SNED1: variants seen among roughly 807,000 people sequenced by gnomAD.
SNED1 encodes sushi, nidogen and EGF like domains 1, also known as sushi, nidogen and EGF-like domain-containing protein 1.
A neutral mutation model predicts 166.7 loss-of-function variants in SNED1; 81 were observed. That is an observed-to-expected ratio of 0.49 (90% CI 0.41 to 0.58). The LOEUF (loss-of-function observed/expected upper bound fraction) is 0.58, where lower values mean the gene tolerates loss of function less well. SNED1 is among the 20% of genes least tolerant of loss of function. The pLI, the probability that SNED1 is intolerant of heterozygous loss-of-function variation, is 0.00. For synonymous variants in SNED1, 762 were observed against 822.0 expected, an observed-to-expected ratio of 0.93 and a Z score of 1.25; for missense variants, 1,604 against 2,000.2, an observed-to-expected ratio of 0.80 and a Z score of 3.78.
Position 241,035,911 on chromosome 2 carries a change from C to T in SNED1, c.806-879C>T, listed in dbSNP as rs1374415331. On this transcript the variant is annotated intron_variant, in intron 4 of 31. Coordinates refer to ENST00000310397, the MANE Select transcript of SNED1 (RefSeq NM_001080437.3). ...CGTGCCATGGGGTGGGGGGTGCAGG[C>T]GTGCCACGGGGTGGAGGGGTGGGGG... Among the ~76,000 whole-genome samples, 7 of 64,748 alleles carry T rather than the reference C, an allele frequency of 1.1e-4. No homozygotes were observed. In the East Asian group the frequency reaches 3.4e-3, roughly 31 times the overall value. The allele number at this position is 64,748 out of a possible 152,430, so 42.5% of individuals were successfully genotyped here. A position where few individuals can be genotyped will look rare whatever the true frequency, so the allele number is the denominator to read the frequency against.
intron 1 of SNED1, among the ~76,000 whole-genome samples, chr2:241,000,182 G>C (rs928764619): frequency 6.6e-6 from 1 of 152,100 alleles, no homozygotes; most frequent in African/African-American, 2.4e-5. Context: ...TCCTCTGCAT[G>C]GTTGTCATCA....
intron 16 of SNED1, 22 bp downstream of exon 16, chr2:241,053,348 G>T (rs370328132): frequency 2.6e-6 from 4 of 1,540,152 alleles, no homozygotes; most frequent in Admixed American, 1.8e-5. Context: ...GGCCCTTGGG[G>T]TGGGGCAGGT....
rs956351229 is a variant in SNED1, at chr2:241,018,169, TAA to T, written c.214-12114_214-12113del. On this transcript the variant is annotated intron_variant, in intron 1 of 31. Transcript: ENST00000310397. The surrounding 1 kb of genome is among the most constrained non-coding windows in gnomAD (Gnocchi z 5.4). ...GTGGTCCCTGCTGTGCTGATTTGGT[TAA>T]GTCTTTTTGCCATGTCACCGCGCAT... Among the ~76,000 whole-genome samples the T allele has an allele frequency of 6.6e-6, 1 of 152,170 alleles. No homozygotes were observed. The highest frequency in any genetic ancestry group is 2.4e-5 in the African/African-American group (1 of 41,430).
Position 241,018,318 on chromosome 2 carries a change from C to T in SNED1, c.214-11966C>T, listed in dbSNP as rs997713725. On this transcript the variant is annotated intron_variant, in intron 1 of 31. Transcript: ENST00000310397. This position sits in a 1 kb window ranked among gnomAD's most constrained non-coding sequence, Gnocchi z 5.4. ...CCACACATGCACTTACATGGGGGCA[C>T]GTTTGGGTGCAGATACCACCTGGAT... 3.9e-5 allele frequency among the ~76,000 whole-genome samples: 6 copies of T among 152,196 alleles called. No homozygotes were observed. The highest frequency in any genetic ancestry group is 9.6e-5 in the African/African-American group (4 of 41,464).
intron 8 of SNED1, chr2:241,041,201 G>A (rs185761457): frequency 4.4e-3 from 792 of 180,814 alleles, no homozygotes; most frequent in Non-Finnish European, 6.3e-3. Flanking sequence ...AGGAGCGGGA[G>A]GAGGCAGCCT....
At chr2:241,077,428 A>G (rs1321534445) in intron 27 of SNED1, among the ~76,000 whole-genome samples, 1 of 152,208 alleles carries the variant, frequency 6.6e-6, no homozygotes, top group Non-Finnish European at 1.5e-5. Context: ...ACTACTCTTC[A>G]TCAAAACTTA....
chr2:241,081,577 C>T (rs2063331131), intron 27 of SNED1, 100 bp from the exon 28 acceptor site: 6 of 836,030 alleles, frequency 7.2e-6, no homozygotes, highest in African/African-American at 2.3e-5. Flanking sequence ...AGTGCACGGC[C>T]ACCCTGCATC....
intron 1 of SNED1, among the ~76,000 whole-genome samples, chr2:241,012,502 C>A (rs867833647): frequency 2.6e-5 from 4 of 152,200 alleles, no homozygotes; most frequent in Non-Finnish European, 4.4e-5. Context: ...TCATCCACAT[C>A]TCTGGTGGTG....
At chr2:241,026,277 A>G (rs1485262821) in intron 1 of SNED1, among the ~76,000 whole-genome samples, 1 of 151,904 alleles carries the variant, frequency 6.6e-6, no homozygotes, top group African/African-American at 2.4e-5. Flanking sequence ...CAGCCTCCCA[A>G]AGTGCTGGGA....
chr2:240,998,501 C>A (rs1482558617), upstream of SNED1, among the ~76,000 whole-genome samples: 3 of 152,186 alleles, frequency 2.0e-5, no homozygotes, highest in African/African-American at 4.8e-5. Context: ...GAGCTCCCCG[C>A]GCGCCCGCGC....
intron 31 of SNED1, chr2:241,090,106 T>C (rs2063828712): frequency 2.7e-6 from 4 of 1,498,844 alleles, no homozygotes; most frequent in East Asian, 2.5e-5. Context: ...TTTTAATTTT[T>C]ACTTTTTAAC....
At chr2:241,005,951 A>G (rs928816013) in intron 1 of SNED1, among the ~76,000 whole-genome samples, 7 of 152,116 alleles carry the variant, frequency 4.6e-5, no homozygotes, top group Non-Finnish European at 5.9e-5. Context: ...GAAATTTGAA[A>G]AAAATCTCAG....
At chr2:241,089,979 C>T (rs1288524415) in intron 31 of SNED1, 1 of 1,547,984 alleles carries the variant, frequency 6.5e-7, no homozygotes, top group Non-Finnish European at 8.7e-7. Context: ...AAATGGTATA[C>T]CTGGGCAGGG....
intron 1 of SNED1, among the ~76,000 whole-genome samples, chr2:241,026,633 C>G (rs2060979313): frequency 6.6e-6 from 1 of 152,108 alleles, no homozygotes; most frequent in South Asian, 2.1e-4. Flanking sequence ...TATTTAGTTA[C>G]TTATATCGTA....
intron 24 of SNED1, among the ~76,000 whole-genome samples, chr2:241,071,095 G>A (rs2062690061): frequency 6.6e-6 from 1 of 152,214 alleles, no homozygotes; most frequent in Admixed American, 6.5e-5. Flanking sequence ...AGGGGAAGGA[G>A]GGCCCAGCCT....
intron 1 of SNED1, among the ~76,000 whole-genome samples, chr2:241,015,245 C>T (rs2060543632): frequency 6.6e-6 from 1 of 152,158 alleles, no homozygotes; most frequent in Non-Finnish European, 1.5e-5. Context: ...AATCTAGGAA[C>T]CTGGCATATT....
Position 240,998,988 on chromosome 2 carries a change from T to C in SNED1, c.151T>C (p.Ser51Pro). Residue 51 changes from serine to proline, a missense_variant, in exon 1 of 32, where the codon TCG (serine) becomes CCG (proline). Ser to Pro is a moderately conservative substitution (Grantham distance 74). Coordinates refer to ENST00000310397, the MANE Select transcript of SNED1 (RefSeq NM_001080437.3). ...AVTPKQDDGG[S>P]GLRPLSVPFP... is the part of the protein sequence containing the mutation. ...CACCCCCAAGCAGGACGACGGCGGCTCGGGGCTGCGGCCGCTCTCGGTGCC... is the reference window on the plus strand; with the variant it reads ...CACCCCCAAGCAGGACGACGGCGGCCCGGGGCTGCGGCCGCTCTCGGTGCC... 1 of 1,328,244 alleles carries C rather than the reference T, an allele frequency of 7.5e-7. No homozygotes were observed. Among genetic ancestry groups the C allele is most frequent in the South Asian group, 1.8e-5 (1 of 56,080 alleles). 82.3% of individuals were successfully genotyped at this position (1,328,244 alleles called of 1,614,324 possible).
At chr2:241,029,936 G>T (rs1307187520) in intron 1 of SNED1, among the ~76,000 whole-genome samples, 5 of 152,266 alleles carry the variant, frequency 3.3e-5, no homozygotes, top group Admixed American at 6.5e-5. Flanking sequence ...CTGAGGAGCA[G>T]TAGCTGCTGG....
At chr2:241,061,691 C>T (rs746642924) in intron 16 of SNED1, among the ~76,000 whole-genome samples, 3 of 151,952 alleles carry the variant, frequency 2.0e-5, no homozygotes, top group Admixed American at 6.6e-5. Context: ...TCGAGACCAG[C>T]CTGGCCAACA....
Sources: allele counts gnomAD v4.1 joint callset (sites outside exome capture counted in the v4.1 genomes callset), GRCh38; gene constraint gnomAD v4.1.1; non-coding constraint Gnocchi (gnomAD v3.1); transcripts MANE v1.5; gene names NCBI Gene and HGNC (gene_info 2026-07-23, HGNC 2026-07-21).